TRPM3: variants seen among roughly 807,000 people sequenced by gnomAD.
TRPM3 encodes long transient receptor potential channel 3.
TRPM3 carries 77 observed loss-of-function variants against 181.2 expected under a neutral mutation model. The ratio of observed to expected loss-of-function variants is 0.42; its 90% confidence interval spans 0.35 to 0.51. The LOEUF is 0.51. Among genes scored for constraint, TRPM3 ranks in the 20% least tolerant of loss-of-function variants. The probability of loss-of-function intolerance (pLI) is 0.01; values close to 1 mark genes in which losing one functional copy is unlikely to be tolerated. For synonymous variants in TRPM3, 745 were observed against 796.4 expected, an observed-to-expected ratio of 0.94 and a Z score of 1.09; for missense variants, 1,759 against 2,196.7, an observed-to-expected ratio of 0.80 and a Z score of 3.98.
At chr9:71,300,172 G>A (rs1156680750) in intron 1 of TRPM3, among the ~76,000 whole-genome samples, 1 of 151,988 alleles carries the variant, frequency 6.6e-6, no homozygotes, top group African/African-American at 2.4e-5. Flanking sequence ...TTAATCATAG[G>A]ATAACCAAAG....
At chr9:70,938,169 T>C (rs549351221) in intron 1 of TRPM3, among the ~76,000 whole-genome samples, 2 of 152,240 alleles carry the variant, frequency 1.3e-5, no homozygotes, top group African/African-American at 4.8e-5. Context: ...GTTCAGGAAT[T>C]TTTGACCTGA....
intron 1 of TRPM3, among the ~76,000 whole-genome samples, chr9:71,427,534 A>G (rs1450147876): frequency 6.6e-6 from 1 of 152,242 alleles, no homozygotes; most frequent in Non-Finnish European, 1.5e-5. Context: ...AGTGGACTGC[A>G]TAAAGAAAAT....
intron 1 of TRPM3, among the ~76,000 whole-genome samples, chr9:71,090,206 G>A (rs1327271647): frequency 1.3e-5 from 2 of 152,030 alleles, no homozygotes; most frequent in African/African-American, 4.8e-5. Context: ...AAGGTCTTGT[G>A]GAGTAAGAGG....
chr9:70,666,012 C>T (rs2061793738), intron 9 of TRPM3, among the ~76,000 whole-genome samples: 1 of 152,208 alleles, frequency 6.6e-6, no homozygotes, highest in South Asian at 2.1e-4. Context: ...CTCAATGCCC[C>T]ATTCCTCTTT....
intron 6 of TRPM3, among the ~76,000 whole-genome samples, chr9:70,799,517 C>T (rs1489144255): frequency 2.6e-5 from 4 of 152,234 alleles, no homozygotes; most frequent in Non-Finnish European, 5.9e-5. Flanking sequence ...GGGGAACCTT[C>T]TTTCCTCTGG....
At chr9:71,218,860 T>C (rs2080063692) in intron 1 of TRPM3, among the ~76,000 whole-genome samples, 1 of 152,238 alleles carries the variant, frequency 6.6e-6, no homozygotes, top group Admixed American at 6.5e-5. Context: ...TTACCCATCT[T>C]GTTGGGGATA....
intron 1 of TRPM3, among the ~76,000 whole-genome samples, chr9:71,316,702 C>T (rs1172982082): frequency 2.6e-5 from 4 of 152,072 alleles, no homozygotes; most frequent in African/African-American, 9.7e-5. Context: ...GGGAACATAG[C>T]CCAACTGACA....
rs1158284354 is a variant in TRPM3 at position 70,865,166 on chromosome 9, A to G, written c.178-655T>C. Reference sequence around the variant, plus strand: ...GCACATTTTTTCTTGTGCGCCCCACACGCCCTTCAGCAGAGCATATACAGC... The same window carrying G: ...GCACATTTTTTCTTGTGCGCCCCACGCGCCCTTCAGCAGAGCATATACAGC... On this transcript the variant is annotated intron_variant, in intron 1 of 25. Coordinates refer to ENST00000677713, the MANE Select transcript of TRPM3 (RefSeq NM_001366145.2). Among the ~76,000 whole-genome samples, 50 of 151,984 alleles carry G rather than the reference A, an allele frequency of 3.3e-4. 1 individual carries two copies. The highest frequency in any genetic ancestry group is 7.4e-5 in the Non-Finnish European group (5 of 67,954).
chr9:71,115,209 A>G (rs2072069124), intron 1 of TRPM3, among the ~76,000 whole-genome samples: 1 of 149,400 alleles, frequency 6.7e-6, no homozygotes, highest in Non-Finnish European at 1.5e-5. Context: ...AGCTGAATCT[A>G]TGGCAGCTTT....
chr9:71,075,913 A>G (rs1276158653), intron 1 of TRPM3, among the ~76,000 whole-genome samples: 1 of 152,260 alleles, frequency 6.6e-6, no homozygotes, highest in Non-Finnish European at 1.5e-5. Context: ...TACATGAAAC[A>G]CAAACAGGAC....
At chr9:70,655,305 C>CAAAAA (rs1169901529) in intron 9 of TRPM3, among the ~76,000 whole-genome samples, 706 of 33,150 alleles carry the variant, frequency 0.021, 95 homozygotes, top group African/African-American at 0.062. Context: ...GACTCCGTCT[C>CAAAAA]AAAAAAAAAA....
chr9:71,181,803 A>G (rs1181893709), intron 1 of TRPM3, among the ~76,000 whole-genome samples: 1 of 152,156 alleles, frequency 6.6e-6, no homozygotes, highest in Non-Finnish European at 1.5e-5. Context: ...ATCCTTAGAC[A>G]TAACTTTTCC....
At chr9:70,568,760 G>A (rs1487527807) in intron 22 of TRPM3, among the ~76,000 whole-genome samples, 2 of 152,216 alleles carry the variant, frequency 1.3e-5, no homozygotes, top group Non-Finnish European at 2.9e-5. Flanking sequence ...AGGTGTGAAA[G>A]CTATTTTAAA....
intron 1 of TRPM3, among the ~76,000 whole-genome samples, chr9:71,101,994 G>A (rs1466842657): frequency 2.0e-5 from 3 of 152,154 alleles, no homozygotes; most frequent in Non-Finnish European, 2.9e-5. Context: ...TCTGTGCTCT[G>A]AACACCAAAT....
At chr9:70,818,967 A>C (rs2092930492) in intron 6 of TRPM3, among the ~76,000 whole-genome samples, 1 of 152,216 alleles carries the variant, frequency 6.6e-6, no homozygotes. Context: ...ACATATTTTG[A>C]ATCTCACTGC....
chr9:70,877,364 T>C (rs892901415), intron 1 of TRPM3, among the ~76,000 whole-genome samples: 2 of 152,032 alleles, frequency 1.3e-5, no homozygotes, highest in African/African-American at 4.8e-5. Flanking sequence ...TGTTATAAGT[T>C]AGTCTTTAAT....
At chr9:71,111,627 A>C (rs1420283849) in intron 1 of TRPM3, among the ~76,000 whole-genome samples, 1 of 152,222 alleles carries the variant, frequency 6.6e-6, no homozygotes, top group Non-Finnish European at 1.5e-5. Context: ...TGTTTTAACG[A>C]AACATCATTA....
At chr9:71,084,051 A>G (rs1361381547) in intron 1 of TRPM3, among the ~76,000 whole-genome samples, 9 of 151,958 alleles carry the variant, frequency 5.9e-5, no homozygotes, top group Non-Finnish European at 1.3e-4. Flanking sequence ...CAGGGATTCT[A>G]CAGAAGAAGG....
chr9:71,396,965 CAA>C (rs76027591), intron 1 of TRPM3, among the ~76,000 whole-genome samples: 13 of 97,422 alleles, frequency 1.3e-4, no homozygotes, highest in African/African-American at 7.2e-5. Flanking sequence ...GACTTCATCT[CAA>C]AAAAAAAAAA....
Sources: allele counts gnomAD v4.1 joint callset (sites outside exome capture counted in the v4.1 genomes callset), GRCh38; gene constraint gnomAD v4.1.1; transcripts MANE v1.5; gene names NCBI Gene and HGNC (gene_info 2026-07-23, HGNC 2026-07-21).